The following ZNF454 variants were observed in gnomAD, a reference collection of about 807,000 sequenced individuals.
ZNF454 encodes zinc finger protein 454.
A neutral mutation model predicts 48.2 loss-of-function variants in ZNF454; 30 were observed. That is an observed-to-expected ratio of 0.62 (90% CI 0.47 to 0.84). The LOEUF is 0.84. Among genes scored for constraint, ZNF454 ranks in the 40% least tolerant of loss-of-function variants. ZNF454 has a pLI of 0.00. For synonymous variants in ZNF454, 204 were observed against 211.4 expected (o/e 0.97, Z 0.30); for missense variants, 510 against 623.1 (o/e 0.82, Z 1.93).
Position 178,965,554 on chromosome 5 carries a change from T to A in ZNF454, c.1150T>A (p.Tyr384Asn), listed in dbSNP as rs1250984272. ...HQRIHTGEKP[Y>N]KCNECGKAFR... ...GAGAATTCATACTGGAGAGAAACCT[T>A]ATAAATGTAATGAATGTGGGAAAGC... Residue 384 changes from tyrosine to asparagine, a missense_variant, in exon 5 of 5, where the codon TAT (tyrosine) becomes AAT (asparagine). Physicochemically the swap from Tyr to Asn is moderately radical, Grantham distance 143. Transcript: ENST00000519564. The surrounding 1 kb of genome is among the most constrained non-coding windows in gnomAD (Gnocchi z 5.2). The A allele has an allele frequency of 1.9e-6, 3 of 1,614,042 alleles. No individual in the cohort carries two copies. Among genetic ancestry groups the A allele is most frequent in the Non-Finnish European group, 2.5e-6 (3 of 1,180,032 alleles).
chr5:178,965,938 A>G lies in ZNF454; in HGVS notation c.1534A>G (p.Ile512Val). ...AGCTTTTAACCAGACTGCAAACCTC[A>G]TTCAGCATCAGAGACATCATATTGG... ...GKAFNQTANLIQHQRHHIGEK is the reference protein window; with the variant it reads ...GKAFNQTANLVQHQRHHIGEK The change falls in exon 5 of 5, where the codon ATT (isoleucine) becomes GTT (valine). Residue 512 changes from isoleucine (I) to valine (V), a missense_variant. By Grantham distance (29) the Ile-to-Val change is conservative. Transcript: ENST00000519564. The surrounding 1 kb of genome is among the most constrained non-coding windows in gnomAD (Gnocchi z 5.2). The G allele has an allele frequency of 6.3e-7, 1 of 1,597,796 alleles. No homozygotes were observed. Among genetic ancestry groups the G allele is most frequent in the Non-Finnish European group, 8.5e-7 (1 of 1,172,492 alleles).
chr5:178,989,211 A>AAG, the ZNF454 span: 1 of 121,736 alleles, frequency 8.2e-6, no homozygotes, highest in Non-Finnish European at 1.3e-5. Flanking sequence ...CCCCCTCCCC[A>AAG]CCCTCACCAC....
At chr5:178,973,474 A>G in the ZNF454 span, among the ~76,000 whole-genome samples, 84,361 of 151,976 alleles carry the variant, frequency 0.56, 24,230 homozygotes, top group South Asian at 0.71. Flanking sequence ...TTCAATTGCT[A>G]ATTCACCTCA....
At chr5:178,943,575 G>A (rs1226698280) in intron 2 of ZNF454, among the ~76,000 whole-genome samples, 1 of 152,042 alleles carries the variant, frequency 6.6e-6, no homozygotes, top group Non-Finnish European at 1.5e-5. Flanking sequence ...CTCAAAGAAG[G>A]GCATTGTAGG....
chr5:178,981,816 G>C, the ZNF454 span: 2 of 1,613,052 alleles, frequency 1.2e-6, no homozygotes, highest in East Asian at 2.2e-5. The surrounding 1 kb of genome is among the most constrained non-coding windows in gnomAD (Gnocchi z 5.1). Context: ...AGGCACTCAG[G>C]CTCAAGGACA....
the ZNF454 span, chr5:178,981,482 G>A: frequency 1.8e-5 from 11 of 598,064 alleles, no homozygotes; most frequent in South Asian, 1.0e-4. The surrounding 1 kb of genome is among the most constrained non-coding windows in gnomAD (Gnocchi z 5.1). Context: ...TGCTGGAATC[G>A]GGGTAGAGCT....
the ZNF454 span, chr5:178,985,206 A>G: frequency 6.6e-6 from 3 of 452,432 alleles, no homozygotes; most frequent in South Asian, 3.1e-5. Flanking sequence ...TAGCTCTTTG[A>G]CCTGTTTCCA....
intron 4 of ZNF454, among the ~76,000 whole-genome samples, chr5:178,954,141 C>T (rs1461922326): frequency 6.6e-6 from 1 of 151,930 alleles, no homozygotes; most frequent in Non-Finnish European, 1.5e-5. Flanking sequence ...GCCTGTAATC[C>T]CAGCTACTCG....
At chr5:178,975,937 A>G in the ZNF454 span, among the ~76,000 whole-genome samples, 28 of 152,148 alleles carry the variant, frequency 1.8e-4, no homozygotes, top group African/African-American at 6.3e-4. Flanking sequence ...CTATATCTAC[A>G]TCTAATCTGT....
At chr5:178,981,237 T>C in the ZNF454 span, 4 of 198,362 alleles carry the variant, frequency 2.0e-5, no homozygotes, top group Admixed American at 5.3e-5. This position sits in a 1 kb window ranked among gnomAD's most constrained non-coding sequence, Gnocchi z 5.1. Context: ...TCCAACCCCA[T>C]GTTTCATTCT....
chr5:178,945,104 T>G (rs1581856285), intron 2 of ZNF454, among the ~76,000 whole-genome samples: 1 of 133,056 alleles, frequency 7.5e-6, no homozygotes, highest in African/African-American at 2.8e-5. Context: ...TGTGTTCGGG[T>G]GTGTGTGCGC....
intron 4 of ZNF454, among the ~76,000 whole-genome samples, chr5:178,950,094 A>C (rs991866282): frequency 6.7e-5 from 10 of 149,200 alleles, no homozygotes; most frequent in Non-Finnish European, 1.2e-4. Flanking sequence ...GCTGGTCTCA[A>C]ACTCCTGGGC....
chr5:178,965,849 A>AC lies in ZNF454; in HGVS notation c.1447dup (p.Leu483ProfsTer15). On this transcript the variant is annotated frameshift_variant, in exon 5 of 5. Coordinates refer to ENST00000519564, the MANE Select transcript of ZNF454 (RefSeq NM_001178089.3). LOFTEE classifies it high-confidence loss of function. The surrounding 1 kb of genome is among the most constrained non-coding windows in gnomAD (Gnocchi z 5.2). ...GAGAAAGCCTTTATCCGAAGCACTC[A>AC]CCTGACTCAACATCAGAGGATTCAC... 6.2e-7 allele frequency: 1 copy of AC among 1,613,820 alleles called. No individual in the cohort carries two copies.
At chr5:178,983,463 G>A in the ZNF454 span, 1 of 687,796 alleles carries the variant, frequency 1.5e-6, no homozygotes, top group South Asian at 1.5e-5. Flanking sequence ...GAGAAGGGCT[G>A]TGCCGCCCGT....
At chr5:178,960,429 G>A (rs1199319254) in intron 4 of ZNF454, among the ~76,000 whole-genome samples, 1 of 151,296 alleles carries the variant, frequency 6.6e-6, no homozygotes, top group Admixed American at 6.6e-5. Context: ...GGCTAATTTT[G>A]TATTTTTAGT....
At chr5:178,959,762 C>T (rs1279436001) in intron 4 of ZNF454, among the ~76,000 whole-genome samples, 4 of 151,702 alleles carry the variant, frequency 2.6e-5, no homozygotes, top group South Asian at 2.1e-4. Context: ...CCCACCACCA[C>T]GCCTGGCTAA....
intron 4 of ZNF454, among the ~76,000 whole-genome samples, chr5:178,960,994 G>C (rs145568766): frequency 6.7e-6 from 1 of 148,676 alleles, no homozygotes; most frequent in African/African-American, 2.5e-5. Context: ...GCAGTGGCAC[G>C]ATCTCAGCTC....
chr5:178,955,776 A>C (rs1461761320), intron 4 of ZNF454, among the ~76,000 whole-genome samples: 1 of 152,232 alleles, frequency 6.6e-6, no homozygotes, highest in Non-Finnish European at 1.5e-5. Context: ...TGACAGAACT[A>C]GTGAAGTCTT....
intron 4 of ZNF454, among the ~76,000 whole-genome samples, chr5:178,954,996 C>T (rs1367364230): frequency 6.6e-6 from 1 of 152,188 alleles, no homozygotes; most frequent in African/African-American, 2.4e-5. Context: ...GGGCTAAAGC[C>T]ACTATGAACA....
Sources: allele counts gnomAD v4.1 joint callset (sites outside exome capture counted in the v4.1 genomes callset), GRCh38; gene constraint gnomAD v4.1.1; non-coding constraint Gnocchi (gnomAD v3.1); transcripts MANE v1.5; gene names NCBI Gene and HGNC (gene_info 2026-07-23, HGNC 2026-07-21).